Variants in PLEKHG5 observed in about 807,000 individuals in gnomAD.
PLEKHG5 encodes the protein pleckstrin homology and RhoGEF domain containing G5, also known as pleckstrin homology domain-containing family G member 5.
PLEKHG5 carries 52 observed loss-of-function variants against 103.8 expected under a neutral mutation model. The observed-to-expected ratio is 0.50, with a 90% confidence interval of 0.40 to 0.63. The LOEUF (loss-of-function observed/expected upper bound fraction) is 0.63. PLEKHG5 is among the 30% of genes least tolerant of loss of function. The pLI is 0.00. For missense variants in PLEKHG5, 1,205 were observed against 1,347.6 expected, an observed-to-expected ratio of 0.89 and a Z score of 1.66; for synonymous variants, 592 against 575.5, an observed-to-expected ratio of 1.03 and a Z score of -0.41.
chr1:6,507,196 G>A (rs1309303301), intron 1 of PLEKHG5, among the ~76,000 whole-genome samples: 1 of 152,216 alleles, frequency 6.6e-6, no homozygotes, highest in Non-Finnish European at 1.5e-5. Flanking sequence ...CACGTGACCT[G>A]TGCCCCAGCA....
rs758308121 is a variant in PLEKHG5, at chr1:6,468,160, A to G, written c.2676T>C (p.His892=). Residue 892 remains histidine (H), a synonymous_variant, in exon 20 of 21, where the codon CAT becomes CAC. Coordinates refer to ENST00000377728, the MANE Select transcript of PLEKHG5 (RefSeq NM_020631.6). Reference sequence around the variant, plus strand: ...TGCGGCTGGGGGCAGAGGGTGTCCCATGGGTGCCAGCCCCTGCCAGCAGCT... The same window carrying G: ...TGCGGCTGGGGGCAGAGGGTGTCCCGTGGGTGCCAGCCCCTGCCAGCAGCT... The part of the protein sequence containing the change: ...LLQLLAGAGT[H]GTPSAPSRSL... 6.4e-6 allele frequency: 10 copies of G among 1,569,568 alleles called. No individual in the cohort carries two copies. The African/African-American group carries it at 8.1e-5, about 13-fold the overall frequency.
intron 1 of PLEKHG5, among the ~76,000 whole-genome samples, chr1:6,479,468 G>A (rs976140463): frequency 1.5e-4 from 23 of 151,384 alleles, no homozygotes; most frequent in Non-Finnish European, 2.9e-4. Context: ...TTGTATTTTT[G>A]GTAGAGATGG....
In PLEKHG5 at chr1:6,491,008, G is replaced by A. The variant is rs550016581; in HGVS notation, c.-88+629C>T. Among the ~76,000 whole-genome samples the A allele has an allele frequency of 6.6e-6, 1 of 152,180 alleles. No individual in the cohort carries two copies. Among genetic ancestry groups the A allele is most frequent in the Non-Finnish European group, 1.5e-5 (1 of 68,004 alleles). ...CCCGGAATCGCCCTGAGCCAGGTTCGCTTCCGCTCTATTGTAAAAAGCTGG... is the reference window on the plus strand; with the variant it reads ...CCCGGAATCGCCCTGAGCCAGGTTCACTTCCGCTCTATTGTAAAAAGCTGG... On this transcript the variant is annotated intron_variant, in intron 1 of 20. Transcript: ENST00000377728. This position sits in a 1 kb window ranked among gnomAD's most constrained non-coding sequence, Gnocchi z 4.1.
intron 11 of PLEKHG5, 38 bp from the exon 12 acceptor site, chr1:6,471,675 C>A: frequency 6.4e-7 from 1 of 1,570,244 alleles, no homozygotes; most frequent in Non-Finnish European, 8.6e-7. Context: ...CACGCCCCTC[C>A]GCCAGGTTAG....
chr1:6,495,919 A>G (rs891382909), upstream of PLEKHG5, among the ~76,000 whole-genome samples: 44 of 152,224 alleles, frequency 2.9e-4, no homozygotes, highest in African/African-American at 9.6e-4. Context: ...GCGCCCAGCC[A>G]GTACTATTAT....
chr1:6,490,500 G>T lies in PLEKHG5; in HGVS notation c.-88+1137C>A. 1.0e-6 allele frequency: 1 copy of T among 985,252 alleles called. No homozygotes were observed. Among genetic ancestry groups the T allele is most frequent in the African/African-American group, 1.7e-5 (1 of 57,234 alleles). 61.0% of individuals were successfully genotyped at this position (985,252 alleles called of 1,614,324 possible). A position where few individuals can be genotyped will look rare whatever the true frequency, so the allele number is the denominator to read the frequency against. ...TGTCTAAGGCTCTAAGGCTCGGGCC[G>T]AGACTGCCAAAGCCTCATGGGGCGC... On this transcript the variant is annotated intron_variant, in intron 1 of 20. Transcript: ENST00000377728. This position sits in a 1 kb window ranked among gnomAD's most constrained non-coding sequence, Gnocchi z 8.0.
At position 6,487,054 on chromosome 1, in the gene PLEKHG5, T is replaced by C. The variant is rs1175103291; in HGVS notation, c.-88+4583A>G. ...AGAGGCTGGGAGACTTCCAGGGCTG[T>C]CTCCACTCCCAAAGCCCAGGTCACC... On this transcript the variant is annotated intron_variant, in intron 1 of 20. Coordinates refer to ENST00000377728, the MANE Select transcript of PLEKHG5 (RefSeq NM_020631.6). This position sits in a 1 kb window ranked among gnomAD's most constrained non-coding sequence, Gnocchi z 4.1. 1.3e-5 allele frequency among the ~76,000 whole-genome samples: 2 copies of C among 152,164 alleles called. No individual in the cohort carries two copies. The highest frequency in any genetic ancestry group is 2.9e-5 in the Non-Finnish European group (2 of 68,024).
rs11809400 is a variant in PLEKHG5 at position 6,501,894 on chromosome 1, C to T, written c.-164-5325G>A. Among the ~76,000 whole-genome samples, 1,818 of 152,344 alleles carry T rather than the reference C, an allele frequency of 0.012. 24 individuals are homozygous for T. Among genetic ancestry groups the T allele is most frequent in the African/African-American group, 0.035 (1,470 of 41,580 alleles). ...GTTCTCATTTTCTCCAGGGTAGCCC[C>T]TCACCTGTGAACCCTCCACTCCGAT... On this transcript the variant is annotated intron_variant, in intron 1 of 21. Coordinates refer to the PLEKHG5 transcript ENST00000377740. This position sits in a 1 kb window ranked among gnomAD's most constrained non-coding sequence, Gnocchi z 4.3.
chr1:6,505,817 G>A lies in PLEKHG5; in HGVS notation c.-164-9248C>T, dbSNP rs533761222. 5.2e-3 allele frequency among the ~76,000 whole-genome samples: 790 copies of A among 152,344 alleles called. 7 individuals carry two copies. The highest frequency in any genetic ancestry group is 0.044 in the Middle Eastern group (13 of 294). ...TGGAGGAAGGACAGCCTCCTCAGCT[G>A]CTTGCCTGCCCTCTGGCCCCCAGGG... On this transcript the variant is annotated intron_variant, in intron 1 of 21. Transcript: ENST00000377740. This position sits in a 1 kb window ranked among gnomAD's most constrained non-coding sequence, Gnocchi z 4.2.
chr1:6,500,300 G>GCCCCTCAGTGGAAATCAC (rs1553179253), upstream of PLEKHG5, among the ~76,000 whole-genome samples: 2 of 152,174 alleles, frequency 1.3e-5, no homozygotes, highest in Non-Finnish European at 2.9e-5. Flanking sequence ...AAGGGGAGCA[G>GCCCCTCAGTGGAAATCAC]CCCCTCAGTG....
At chr1:6,504,791 G>A (rs1408895267) in intron 1 of PLEKHG5, among the ~76,000 whole-genome samples, 3 of 152,084 alleles carry the variant, frequency 2.0e-5, no homozygotes, top group African/African-American at 7.2e-5. Context: ...GGCTGGTCTC[G>A]ATTCCCTGAC....
upstream of PLEKHG5, chr1:6,496,446 C>A: frequency 7.2e-7 from 1 of 1,397,734 alleles, no homozygotes; most frequent in South Asian, 1.2e-5. Context: ...AGTTAGAGCC[C>A]TGGCCCCTCT....
At position 6,473,306 on chromosome 1, in the gene PLEKHG5, G is replaced by A. The variant is rs1365811372; in HGVS notation, c.740C>T (p.Ala247Val). 2 of 1,580,798 alleles carry A rather than the reference G, an allele frequency of 1.3e-6. No homozygotes were observed. The highest frequency in any genetic ancestry group is 2.3e-5 in the South Asian group (2 of 87,420). Residue 247 changes from alanine to valine, a missense_variant, in exon 8 of 21, where the codon GCC becomes GTC. By Grantham distance (64) the Ala-to-Val change is moderately conservative (BLOSUM62 0). Coordinates refer to ENST00000377728, the MANE Select transcript of PLEKHG5 (RefSeq NM_020631.6). ...NTGDSWKNRA[A>V]SRFSGFFSSG... ...GCTGAAAAAGCCGCTGAAGCGACTG[G>A]CCGCCCGGTTCTTCCAGCTGTCGCC...
Position 6,491,337 on chromosome 1 carries a change from T to A in PLEKHG5, c.-88+300A>T, listed in dbSNP as rs1158742849. On this transcript the variant is annotated intron_variant, in intron 1 of 20. Coordinates refer to ENST00000377728, the MANE Select transcript of PLEKHG5 (RefSeq NM_020631.6). This position sits in a 1 kb window ranked among gnomAD's most constrained non-coding sequence, Gnocchi z 4.1. ...CCTTCCCAGGCCAAAACCTCCAGAC[T>A]GCCCCACACAACCCTTGGGGCTGGG... Among the ~76,000 whole-genome samples, 2 of 152,124 alleles carry A rather than the reference T, an allele frequency of 1.3e-5. No individual in the cohort carries two copies. Among genetic ancestry groups the A allele is most frequent in the African/African-American group, 4.8e-5 (2 of 41,412 alleles).
chr1:6,485,412 A>G, intron 1 of PLEKHG5: 1 of 1,343,826 alleles, frequency 7.4e-7, no homozygotes, highest in Non-Finnish European at 9.5e-7. Flanking sequence ...GGAGGCTGCT[A>G]GGCGTCCGGA....
chr1:6,482,358 A>G (rs1322931643), intron 1 of PLEKHG5, among the ~76,000 whole-genome samples: 1 of 152,326 alleles, frequency 6.6e-6, no homozygotes, highest in East Asian at 1.9e-4. Context: ...TTTATGAATT[A>G]AGGCAGGAGA....
rs533837406 is a variant in PLEKHG5 at position 6,517,341 on chromosome 1, A to G, written c.-165+2104T>C. ...AAAAAAAAAAGATACAACCAAGCAT[A>G]TGCTGAGAATAGGTGACCATTCTCT... On this transcript the variant is annotated intron_variant, in intron 1 of 21. Coordinates refer to the PLEKHG5 transcript ENST00000377740. Among the ~76,000 whole-genome samples, 38 of 151,400 alleles carry G rather than the reference A, an allele frequency of 2.5e-4. No individual in the cohort carries two copies. In the South Asian group the frequency reaches 6.3e-3, roughly 25 times the overall value.
At chr1:6,497,352 G>A (rs1645242741), upstream of PLEKHG5, 11 of 1,066,354 alleles carry the variant, frequency 1.0e-5, no homozygotes, top group Non-Finnish European at 1.3e-5. This position sits in a 1 kb window ranked among gnomAD's most constrained non-coding sequence, Gnocchi z 6.1. Context: ...CGCGGGGGGC[G>A]GGCGGCGGGC....
rs1221989203 is a variant in PLEKHG5 at position 6,487,139 on chromosome 1, G to A, written c.-88+4498C>T. Among the ~76,000 whole-genome samples the A allele has an allele frequency of 1.3e-5, 2 of 152,238 alleles. No homozygotes were observed. Among genetic ancestry groups the A allele is most frequent in the South Asian group, 2.1e-4 (1 of 4,828 alleles). On this transcript the variant is annotated intron_variant, in intron 1 of 20. Transcript: ENST00000377728. The surrounding 1 kb of genome is among the most constrained non-coding windows in gnomAD (Gnocchi z 4.1). ...TTTTTTGTTTGTTTGTTTTTGAGAC[G>A]GAATCTTGCTCTGTCACTCACGTTG... is the stretch of plus-strand genomic sequence containing the variant.
Sources: allele counts gnomAD v4.1 joint callset (sites outside exome capture counted in the v4.1 genomes callset), GRCh38; gene constraint gnomAD v4.1.1; non-coding constraint Gnocchi (gnomAD v3.1); transcripts MANE v1.5; gene names NCBI Gene and HGNC (gene_info 2026-07-23, HGNC 2026-07-21).